The following IFTAP variants were observed in gnomAD, a reference collection of about 807,000 sequenced individuals.
IFTAP encodes the protein intraflagellar transport associated protein.
In IFTAP, 19 loss-of-function variants were observed where a neutral mutation model predicts 19.4. The observed-to-expected ratio is 0.98, with a 90% CI of 0.68 to 1.44. IFTAP has a LOEUF of 1.44. IFTAP is among the 40% of genes most tolerant of loss of function. IFTAP has a pLI of 0.00. For missense variants in IFTAP, 240 were observed against 253.6 expected (o/e 0.95, Z 0.36); for synonymous variants, 85 against 83.5 (o/e 1.02, Z -0.10).
At chr11:36,652,565 C>T (rs1853787430) in intron 5 of IFTAP, among the ~76,000 whole-genome samples, 1 of 152,122 alleles carries the variant, frequency 6.6e-6, no homozygotes, top group Non-Finnish European at 1.5e-5. Flanking sequence ...GCCTGATTGC[C>T]CTGGCCAGAA....
At chr11:36,610,356 T>A in intron 2 of IFTAP, 117 bp downstream of exon 2, 1 of 998,240 alleles carries the variant, frequency 1.0e-6, no homozygotes, top group Non-Finnish European at 1.4e-6. Context: ...CATTCGTTTA[T>A]CAGGTAATTC....
intron 1 of IFTAP, among the ~76,000 whole-genome samples, chr11:36,608,446 C>G (rs375961477): frequency 6.6e-6 from 1 of 152,154 alleles, no homozygotes; most frequent in African/African-American, 2.4e-5. Context: ...TTTTTATGGT[C>G]CCCCATGTAG....
chr11:36,620,350 A>G (rs1471629512), intron 2 of IFTAP, among the ~76,000 whole-genome samples: 4 of 152,008 alleles, frequency 2.6e-5, no homozygotes, highest in Admixed American at 6.6e-5. Flanking sequence ...CTTTGGGGGA[A>G]CATCTGCAAG....
chr11:36,620,010 A>G (rs1852236877), intron 2 of IFTAP, among the ~76,000 whole-genome samples: 1 of 152,040 alleles, frequency 6.6e-6, no homozygotes, highest in African/African-American at 2.4e-5. Context: ...AAGACGTCAT[A>G]TAAGGACTTG....
intron 2 of IFTAP, among the ~76,000 whole-genome samples, chr11:36,623,407 T>C (rs1355167681): frequency 1.3e-5 from 2 of 151,228 alleles, no homozygotes; most frequent in Non-Finnish European, 2.9e-5. Context: ...AAATATGACA[T>C]TTTTGTTGAA....
At chr11:36,642,551 C>T (rs1433147370) in intron 4 of IFTAP, among the ~76,000 whole-genome samples, 1 of 151,894 alleles carries the variant, frequency 6.6e-6, no homozygotes. Flanking sequence ...AGAGACACAA[C>T]AAAAAAAGAG....
chr11:36,620,195 A>T (rs759173920), intron 2 of IFTAP, among the ~76,000 whole-genome samples: 4 of 152,064 alleles, frequency 2.6e-5, no homozygotes, highest in Non-Finnish European at 5.9e-5. Flanking sequence ...AAATTCAGTA[A>T]CTATGTGTAT....
At chr11:36,616,620 G>T (rs1852101559) in intron 2 of IFTAP, among the ~76,000 whole-genome samples, 2 of 151,836 alleles carry the variant, frequency 1.3e-5, no homozygotes, top group African/African-American at 4.8e-5. Flanking sequence ...TAATAATATT[G>T]TATAATCATG....
intron 4 of IFTAP, among the ~76,000 whole-genome samples, chr11:36,640,421 A>AT (rs1853152056): frequency 6.6e-6 from 1 of 152,160 alleles, no homozygotes. Context: ...CTTTTTAATG[A>AT]TTTTTGTGTC....
At chr11:36,620,240 A>G (rs1203511743) in intron 2 of IFTAP, among the ~76,000 whole-genome samples, 1 of 152,082 alleles carries the variant, frequency 6.6e-6, no homozygotes, top group African/African-American at 2.4e-5. Flanking sequence ...ATCAAACATC[A>G]CATAGAACAC....
chr11:36,610,883 G>T (rs1358901725), intron 2 of IFTAP, among the ~76,000 whole-genome samples: 1 of 152,162 alleles, frequency 6.6e-6, no homozygotes, highest in Non-Finnish European at 1.5e-5. Flanking sequence ...GACTGGATGT[G>T]ATGAGGCCAA....
intron 4 of IFTAP, among the ~76,000 whole-genome samples, chr11:36,644,751 A>G (rs1027048918): frequency 9.3e-5 from 14 of 151,308 alleles, no homozygotes; most frequent in Admixed American, 8.6e-4. Context: ...TCGTAAGGAT[A>G]AAAAAACCAA....
At chr11:36,647,328 A>C (rs144303494) in intron 4 of IFTAP, among the ~76,000 whole-genome samples, 1 of 152,226 alleles carries the variant, frequency 6.6e-6, no homozygotes, top group Non-Finnish European at 1.5e-5. Flanking sequence ...GTGGAAGATC[A>C]TCAGTTGTCT....
chr11:36,654,276 A>G (rs1853875200), intron 5 of IFTAP, among the ~76,000 whole-genome samples: 1 of 150,754 alleles, frequency 6.6e-6, no homozygotes, highest in Admixed American at 6.6e-5. Flanking sequence ...TTCCTCTGGC[A>G]CTCTTGCTTC....
At chr11:36,635,523 A>C (rs1183632860) in intron 3 of IFTAP, among the ~76,000 whole-genome samples, 1 of 152,150 alleles carries the variant, frequency 6.6e-6, no homozygotes, top group African/African-American at 2.4e-5. Flanking sequence ...AGAACACTTG[A>C]GTTTTTGCCC....
chr11:36,633,100 T>C (rs1852791683), intron 2 of IFTAP, among the ~76,000 whole-genome samples, 184 bp from the exon 3 acceptor site: 1 of 151,324 alleles, frequency 6.6e-6, no homozygotes, highest in South Asian at 2.1e-4. Flanking sequence ...CATAATGTTA[T>C]CTTTCTATCC....
intron 3 of IFTAP, among the ~76,000 whole-genome samples, chr11:36,633,655 A>G (rs968619729): frequency 3.9e-5 from 6 of 152,106 alleles, no homozygotes; most frequent in African/African-American, 1.4e-4. Context: ...GTTATCCCCA[A>G]TTTTTGTTCA....
intron 2 of IFTAP, among the ~76,000 whole-genome samples, chr11:36,612,340 GA>G (rs2133382967): frequency 6.6e-6 from 1 of 151,528 alleles, no homozygotes; most frequent in South Asian, 2.1e-4. Context: ...CTAATGACCT[GA>G]AAAAATTCCT....
rs116195758 is a variant in IFTAP at position 36,606,515 on chromosome 11, A to G, written c.-23-3566A>G. 8.5e-4 allele frequency among the ~76,000 whole-genome samples: 130 copies of G among 152,322 alleles called. 1 individual carries two copies. Among genetic ancestry groups the G allele is most frequent in the African/African-American group, 2.9e-3 (120 of 41,584 alleles). ...TTGGGATAACCACACAAATAAAATT[A>G]AAGGCCTAGAAGGATTTTGAATTTG... On this transcript the variant is annotated intron_variant, in intron 1 of 5. Transcript: ENST00000334307.
Sources: allele counts gnomAD v4.1 joint callset (sites outside exome capture counted in the v4.1 genomes callset), GRCh38; gene constraint gnomAD v4.1.1; transcripts MANE v1.5; gene names NCBI Gene and HGNC (gene_info 2026-07-23, HGNC 2026-07-21).